Variants in DECR1 observed in about 807,000 individuals in gnomAD.
DECR1 encodes 2,4-dienoyl-CoA reductase [(3E)-enoyl-CoA-producing], mitochondrial.
In DECR1, 44 loss-of-function variants were observed where a neutral mutation model predicts 38.8. The observed-to-expected ratio is 1.13, with a 90% CI of 0.89 to 1.46. The LOEUF is 1.46. Among genes scored for constraint, DECR1 ranks in the 40% most tolerant of loss-of-function variants. DECR1 has a pLI of 0.00. For missense variants in DECR1, 428 were observed against 405.5 expected, an observed-to-expected ratio of 1.06 and a Z score of -0.48; for synonymous variants, 148 against 135.2, an observed-to-expected ratio of 1.09 and a Z score of -0.66.
intron 2 of DECR1, 49 bp downstream of exon 2, chr8:90,017,375 T>C (rs751828411): frequency 1.3e-6 from 2 of 1,492,048 alleles, no homozygotes; most frequent in Admixed American, 3.7e-5. Context: ...AAGAAACTGT[T>C]CTGTGCCATA....
At chr8:90,024,861 T>G (rs1171838924) in intron 5 of DECR1, among the ~76,000 whole-genome samples, 2 of 152,242 alleles carry the variant, frequency 1.3e-5, no homozygotes, top group Admixed American at 1.3e-4. Flanking sequence ...AGGTCTGACA[T>G]TTAAGTCTTT....
chr8:90,020,212 C>T (rs1395986979), intron 4 of DECR1, among the ~76,000 whole-genome samples: 1 of 152,154 alleles, frequency 6.6e-6, no homozygotes, highest in African/African-American at 2.4e-5. Context: ...TCCTGTAGAA[C>T]TAGCCAGAAT....
chr8:90,002,175 G>A (rs1217406622), intron 1 of DECR1, among the ~76,000 whole-genome samples: 1 of 152,194 alleles, frequency 6.6e-6, no homozygotes, highest in Admixed American at 6.5e-5. Context: ...TACGGCGCCC[G>A]TCCACCCCTT....
chr8:90,051,301 TAAAGAG>T (rs1814084927), intron 8 of DECR1, among the ~76,000 whole-genome samples: 1 of 150,064 alleles, frequency 6.7e-6, no homozygotes, highest in Admixed American at 6.6e-5. Context: ...GCAATAGAGA[TAAAGAG>T]AGGGAGAGAG....
intron 1 of DECR1, 54 bp from the exon 2 acceptor site, chr8:90,017,070 A>G (rs985976038): frequency 1.3e-5 from 17 of 1,299,242 alleles, no homozygotes; most frequent in Middle Eastern, 2.6e-4. Flanking sequence ...TAAAAAATTC[A>G]TCTGTTTTTT....
intron 5 of DECR1, among the ~76,000 whole-genome samples, chr8:90,024,544 C>T (rs573071512): frequency 7.9e-5 from 12 of 152,232 alleles, no homozygotes; most frequent in South Asian, 4.1e-4. Flanking sequence ...TCAAATCCTT[C>T]GCCTACTTTT....
At chr8:90,007,531 G>A (rs4492426) in intron 1 of DECR1, among the ~76,000 whole-genome samples, 1 of 152,034 alleles carries the variant, frequency 6.6e-6, no homozygotes, top group Non-Finnish European at 1.5e-5. Context: ...GAGTCACCAA[G>A]GTGGGGCAGG....
chr8:90,022,666 T>C (rs1441811272), intron 5 of DECR1, among the ~76,000 whole-genome samples: 1 of 152,024 alleles, frequency 6.6e-6, no homozygotes, highest in East Asian at 1.9e-4. Context: ...CTTGCTGATA[T>C]CTCCATTTCA....
At chr8:90,009,793 G>T (rs1280977832) in intron 1 of DECR1, among the ~76,000 whole-genome samples, 3 of 152,190 alleles carry the variant, frequency 2.0e-5, no homozygotes, top group African/African-American at 4.8e-5. Flanking sequence ...GAAGACCCTA[G>T]CTGAAAATTT....
At chr8:90,015,392 A>G (rs1490637732) in intron 1 of DECR1, 1 of 278,284 alleles carries the variant, frequency 3.6e-6, no homozygotes, top group Non-Finnish European at 7.3e-6. Flanking sequence ...TGTATGGTAA[A>G]TATTGAATCT....
chr8:90,039,779 C>G lies in DECR1; in HGVS notation c.665+2839C>G, dbSNP rs1029081793. On this transcript the variant is annotated intron_variant, in intron 6 of 9. Coordinates refer to ENST00000220764, the MANE Select transcript of DECR1 (RefSeq NM_001359.2). ...ACAATTCCCAGCCTAGTAACTGATTCATTATATAACCAGGCTCACCTCTCT... is the reference window on the plus strand; with the variant it reads ...ACAATTCCCAGCCTAGTAACTGATTGATTATATAACCAGGCTCACCTCTCT... 6.6e-5 allele frequency among the ~76,000 whole-genome samples: 10 copies of G among 152,280 alleles called. 2 individuals carry two copies. The highest frequency in any genetic ancestry group is 5.9e-4 in the Admixed American group (9 of 15,290).
intron 1 of DECR1, among the ~76,000 whole-genome samples, chr8:90,012,414 A>C (rs1262889751): frequency 6.6e-6 from 1 of 152,108 alleles, no homozygotes; most frequent in Admixed American, 6.5e-5. Context: ...CGGCCTCCCA[A>C]AGTGCTGGGA....
In DECR1 at chr8:90,019,178, T is replaced by A. The variant is rs1309243343; in HGVS notation, c.417+6T>A. The A allele has an allele frequency of 1.9e-6, 3 of 1,612,854 alleles. No homozygotes were observed. The highest frequency in any genetic ancestry group is 2.5e-6 in the Non-Finnish European group (3 of 1,178,906). On this transcript the variant is annotated splice_donor_region_variant and intron_variant, in intron 4 of 9. Coordinates refer to ENST00000220764, the MANE Select transcript of DECR1 (RefSeq NM_001359.2). ...AAGTTGCAGGACATCCTAATGTAAG[T>A]GTAGCAATGATGAAGCCAAAGTGCA...
At chr8:90,019,209 C>G in intron 4 of DECR1, 37 bp downstream of exon 4, 1 of 1,532,410 alleles carries the variant, frequency 6.5e-7, no homozygotes, top group Non-Finnish European at 9.0e-7. Flanking sequence ...GTGCAAGACA[C>G]TTGATGTTGA....
intron 1 of DECR1, among the ~76,000 whole-genome samples, chr8:90,008,206 A>T (rs1402180825): frequency 6.6e-6 from 1 of 152,202 alleles, no homozygotes. Context: ...ATGTCAACCC[A>T]GTCATTTCAG....
At chr8:90,015,790 C>A in intron 1 of DECR1, 1 of 338,092 alleles carries the variant, frequency 3.0e-6, no homozygotes. Context: ...GAGGAATATG[C>A]AAGCTGGTTA....
chr8:90,043,066 T>A (rs1813802524), intron 7 of DECR1, among the ~76,000 whole-genome samples: 1 of 152,166 alleles, frequency 6.6e-6, no homozygotes, highest in African/African-American at 2.4e-5. Flanking sequence ...TGTTGGCACT[T>A]TGTCTGATTT....
chr8:90,024,013 C>T (rs1382263891), intron 5 of DECR1, among the ~76,000 whole-genome samples: 1 of 152,128 alleles, frequency 6.6e-6, no homozygotes, highest in Non-Finnish European at 1.5e-5. Flanking sequence ...TGATGGTTTC[C>T]AGCTCCATCC....
intron 6 of DECR1, chr8:90,042,423 G>A: frequency 3.7e-6 from 1 of 268,360 alleles, no homozygotes; most frequent in Non-Finnish European, 7.1e-6. Flanking sequence ...ACAAATGGTA[G>A]GTGGTGTAGC....
Sources: gnomAD v4.1 joint callset for allele counts (sites outside exome capture counted in the v4.1 genomes callset) on GRCh38, gnomAD v4.1.1 for gene constraint, MANE v1.5 for transcripts, NCBI Gene and HGNC (gene_info 2026-07-23, HGNC 2026-07-21) for gene names.